CHCHD3: variants seen among roughly 807,000 people sequenced by gnomAD.
The protein encoded by CHCHD3 is coiled-coil-helix-coiled-coil-helix domain containing 3, also known as MICOS complex subunit MIC19.
CHCHD3 carries 20 observed loss-of-function variants against 38.2 expected under a neutral mutation model. That is an observed-to-expected ratio of 0.52 (90% CI 0.37 to 0.76). The LOEUF (loss-of-function observed/expected upper bound fraction) is 0.76. Ranked by LOEUF, CHCHD3 falls within the 30% of genes least tolerant of loss-of-function variation. The pLI is 0.00. For missense variants in CHCHD3, 245 were observed against 279.2 expected (o/e 0.88, Z 0.87); for synonymous variants, 82 against 100.0 (o/e 0.82, Z 1.07).
At position 133,007,050 on chromosome 7, in the gene CHCHD3, C is replaced by T. The variant is rs570353329; in HGVS notation, c.251+17496G>A. Among the ~76,000 whole-genome samples, 3 of 152,104 alleles carry T rather than the reference C, an allele frequency of 2.0e-5. No homozygotes were observed. In the East Asian group the frequency reaches 5.8e-4, roughly 29 times the overall value. On this transcript the variant is annotated intron_variant, in intron 3 of 7. Transcript: ENST00000262570. ...TGAGATTATAGATGATTTTCATTTT[C>T]TTAACTTTGTTTGGCTGCATTTCTC...
chr7:132,963,020 T>C (rs1235659228), intron 4 of CHCHD3, among the ~76,000 whole-genome samples: 2 of 151,894 alleles, frequency 1.3e-5, no homozygotes, highest in Admixed American at 1.3e-4. Context: ...GTCATCAATG[T>C]TAAATTTATT....
intron 6 of CHCHD3, among the ~76,000 whole-genome samples, chr7:132,809,963 T>A (rs1807026466): frequency 6.6e-6 from 1 of 152,184 alleles, no homozygotes; most frequent in Non-Finnish European, 1.5e-5. Context: ...AGTCTTGAAA[T>A]CAGAGCATTG....
intron 6 of CHCHD3, among the ~76,000 whole-genome samples, chr7:132,835,500 G>A (rs553675810): frequency 5.1e-4 from 78 of 152,290 alleles, no homozygotes; most frequent in African/African-American, 1.9e-3. Context: ...CTGCTGACTT[G>A]CAGGAGGTCA....
intron 5 of CHCHD3, among the ~76,000 whole-genome samples, chr7:132,859,022 A>T (rs1007961834): frequency 1.8e-4 from 27 of 152,164 alleles, no homozygotes; most frequent in African/African-American, 6.5e-4. Context: ...CGAGCTCCAG[A>T]GGTAATATGC....
intron 4 of CHCHD3, among the ~76,000 whole-genome samples, chr7:132,936,194 G>A (rs1049875222): frequency 8.5e-5 from 13 of 152,110 alleles, no homozygotes; most frequent in Admixed American, 2.6e-4. Flanking sequence ...GTAAGCACCC[G>A]ATAAATGACA....
intron 2 of CHCHD3, among the ~76,000 whole-genome samples, chr7:133,040,969 G>T (rs960876648): frequency 1.3e-5 from 2 of 152,170 alleles, no homozygotes; most frequent in Admixed American, 1.3e-4. Flanking sequence ...TAAAATGAGG[G>T]CCATGAATTA....
At chr7:133,028,601 A>AG (rs1022810757) in intron 2 of CHCHD3, among the ~76,000 whole-genome samples, 2 of 151,934 alleles carry the variant, frequency 1.3e-5, no homozygotes, top group Non-Finnish European at 2.9e-5. Flanking sequence ...AAAAAGAAAA[A>AG]GAAGGCCAGG....
intron 4 of CHCHD3, among the ~76,000 whole-genome samples, chr7:132,974,676 C>A (rs956899977): frequency 2.6e-5 from 4 of 152,098 alleles, no homozygotes; most frequent in Non-Finnish European, 4.4e-5. Context: ...GAGTTCAAGA[C>A]CAGCCTGGCC....
intron 3 of CHCHD3, among the ~76,000 whole-genome samples, chr7:132,978,988 T>C (rs1256408963): frequency 6.6e-6 from 1 of 152,220 alleles, no homozygotes; most frequent in African/African-American, 2.4e-5. Context: ...AACCAAATTT[T>C]TTGTCATCAG....
intron 4 of CHCHD3, among the ~76,000 whole-genome samples, chr7:132,926,571 A>G (rs1037128494): frequency 1.3e-5 from 2 of 152,158 alleles, no homozygotes; most frequent in Non-Finnish European, 2.9e-5. Context: ...GATAATGTAC[A>G]TATTTGCATT....
intron 4 of CHCHD3, among the ~76,000 whole-genome samples, chr7:132,957,569 G>C (rs572105395): frequency 6.6e-6 from 1 of 152,212 alleles, no homozygotes; most frequent in East Asian, 1.9e-4. Context: ...TGCAACCTCT[G>C]CTTCCTGAGT....
chr7:132,948,068 T>C (rs949742667), intron 4 of CHCHD3, among the ~76,000 whole-genome samples: 1 of 152,040 alleles, frequency 6.6e-6, no homozygotes, highest in Non-Finnish European at 1.5e-5. Context: ...ACAAGACTAG[T>C]TTTTTGTTTT....
chr7:132,898,217 A>G (rs28519422), intron 4 of CHCHD3, among the ~76,000 whole-genome samples: 7,869 of 152,224 alleles, frequency 0.052, 389 homozygotes, highest in African/African-American at 0.12. Flanking sequence ...CAGTGTGGAA[A>G]GGGACCCGAG....
intron 1 of CHCHD3, among the ~76,000 whole-genome samples, chr7:133,079,422 C>T (rs924789764): frequency 2.0e-5 from 3 of 152,172 alleles, no homozygotes; most frequent in African/African-American, 7.2e-5. Context: ...CTGCTTGGTT[C>T]CAAGGCACAT....
chr7:132,885,973 C>A (rs940172689), intron 4 of CHCHD3, among the ~76,000 whole-genome samples: 15 of 151,984 alleles, frequency 9.9e-5, no homozygotes, highest in Non-Finnish European at 2.1e-4. Flanking sequence ...CCTATTTTGT[C>A]CAAATATATT....
intron 2 of CHCHD3, among the ~76,000 whole-genome samples, chr7:133,027,531 T>G (rs1188440121): frequency 1.3e-5 from 2 of 152,038 alleles, no homozygotes; most frequent in Middle Eastern, 3.2e-3. Flanking sequence ...ATTTAATGTC[T>G]AATCCCACCA....
intron 4 of CHCHD3, among the ~76,000 whole-genome samples, chr7:132,931,121 T>C (rs935035411): frequency 8.5e-5 from 13 of 152,048 alleles, no homozygotes; most frequent in African/African-American, 3.1e-4. Flanking sequence ...GTAACAAGAG[T>C]GACAAGTAGG....
intron 3 of CHCHD3, among the ~76,000 whole-genome samples, chr7:132,992,089 T>G (rs1292390071): frequency 6.6e-6 from 1 of 152,098 alleles, no homozygotes; most frequent in Non-Finnish European, 1.5e-5. Context: ...CTAGGACCCA[T>G]CAAGGGAAGC....
chr7:132,921,839 C>G (rs1417291110), intron 4 of CHCHD3, among the ~76,000 whole-genome samples: 3 of 152,196 alleles, frequency 2.0e-5, no homozygotes, highest in Non-Finnish European at 4.4e-5. Context: ...TCTAATTTCC[C>G]TACAGATCTT....
Sources: allele counts gnomAD v4.1 joint callset (sites outside exome capture counted in the v4.1 genomes callset), GRCh38; gene constraint gnomAD v4.1.1; transcripts MANE v1.5; gene names NCBI Gene and HGNC (gene_info 2026-07-23, HGNC 2026-07-21).